Variants in PLCG2 observed in about 807,000 individuals in gnomAD.
The protein encoded by PLCG2 is 1-phosphatidylinositol 4,5-bisphosphate phosphodiesterase gamma-2.
In PLCG2, 69 loss-of-function variants were observed where a neutral mutation model predicts 175.6. The ratio of observed to expected loss-of-function variants is 0.39; its 90% CI spans 0.32 to 0.48. The LOEUF (loss-of-function observed/expected upper bound fraction) is 0.48. Among genes scored for constraint, PLCG2 ranks in the 20% least tolerant of loss-of-function variants. PLCG2 has a pLI of 0.91. For synonymous variants in PLCG2, 827 were observed against 624.0 expected (o/e 1.33, Z -4.85); for missense variants, 1,798 against 1,650.9 (o/e 1.09, Z -1.54).
chr16:81,828,238 T>C (rs1392828988), intron 2 of PLCG2, among the ~76,000 whole-genome samples: 15 of 11,724 alleles, frequency 1.3e-3, no homozygotes, highest in African/African-American at 3.5e-3. Context: ...AAATGTCATT[T>C]TTTTTTTTTT....
chr16:81,858,233 C>T, intron 3 of PLCG2, 30 bp from the exon 4 acceptor site: 5 of 1,464,970 alleles, frequency 3.4e-6, no homozygotes, highest in Non-Finnish European at 3.8e-6. Flanking sequence ...GGAATTAACA[C>T]AGCATTTCTG....
intron 2 of PLCG2, among the ~76,000 whole-genome samples, chr16:81,838,179 A>C (rs1399069015): frequency 6.6e-6 from 1 of 151,880 alleles, no homozygotes; most frequent in African/African-American, 2.4e-5. Flanking sequence ...CCTGGGTTCA[A>C]GTGATTCTCT....
chr16:81,925,199 A>T (rs1687251384), intron 22 of PLCG2, among the ~76,000 whole-genome samples: 1 of 152,160 alleles, frequency 6.6e-6, no homozygotes, highest in African/African-American at 2.4e-5. Flanking sequence ...CTGTGGGCAA[A>T]CCGCCCAGCG....
At chr16:81,836,417 G>A (rs4073295) in intron 2 of PLCG2, among the ~76,000 whole-genome samples, 79,955 of 151,896 alleles carry the variant, frequency 0.53, 21,334 homozygotes, top group East Asian at 0.62. Flanking sequence ...TTGGCTTCTC[G>A]TTTCATCCTT....
At chr16:81,867,100 C>T (rs1907278593) in intron 5 of PLCG2, among the ~76,000 whole-genome samples, 1 of 152,202 alleles carries the variant, frequency 6.6e-6, no homozygotes, top group Non-Finnish European at 1.5e-5. Context: ...TTACAGAGGC[C>T]CTTAGAACCA....
At chr16:81,760,763 T>A (rs56337044) in intron 2 of PLCG2, among the ~76,000 whole-genome samples, 118,957 of 138,402 alleles carry the variant, frequency 0.86, 51,524 homozygotes, top group East Asian at 0.94. Context: ...AAAAAAATAA[T>A]AATAATAATA....
intron 9 of PLCG2, among the ~76,000 whole-genome samples, chr16:81,888,384 G>A (rs56698225): frequency 0.062 from 9,287 of 150,210 alleles, 968 homozygotes; most frequent in African/African-American, 0.21. Flanking sequence ...CTGATTTAAA[G>A]AAAAAAAAAA....
chr16:81,769,975 G>C (rs1429783645), intron 2 of PLCG2, among the ~76,000 whole-genome samples: 4 of 152,108 alleles, frequency 2.6e-5, no homozygotes, highest in Non-Finnish European at 5.9e-5. Context: ...GAGCTTCCCA[G>C]TTCCACTGTG....
At chr16:81,908,766 G>A (rs1251853856) in intron 17 of PLCG2, among the ~76,000 whole-genome samples, 175 bp downstream of exon 17, 2 of 152,048 alleles carry the variant, frequency 1.3e-5, no homozygotes, top group African/African-American at 4.8e-5. Flanking sequence ...GACTCACTTC[G>A]GCACTGTAAC....
intron 12 of PLCG2, chr16:81,895,493 G>C (rs1908840096): frequency 3.8e-6 from 1 of 265,504 alleles, no homozygotes; most frequent in Non-Finnish European, 7.3e-6. Flanking sequence ...CCGGGAGGCG[G>C]AGATTGCAAT....
At chr16:81,742,446 G>A (rs972099318) in intron 1 of PLCG2, among the ~76,000 whole-genome samples, 1 of 152,120 alleles carries the variant, frequency 6.6e-6, no homozygotes, top group Admixed American at 6.5e-5. Flanking sequence ...CCTACTCCTG[G>A]GGCCCAGCCT....
chr16:81,836,265 T>A (rs550627011), intron 2 of PLCG2, among the ~76,000 whole-genome samples: 1 of 152,290 alleles, frequency 6.6e-6, no homozygotes, highest in South Asian at 2.1e-4. Context: ...TCTCCCAAGG[T>A]CACACAGTAA....
At chr16:81,790,142 T>C (rs185687593) in intron 2 of PLCG2, among the ~76,000 whole-genome samples, 60 of 152,298 alleles carry the variant, frequency 3.9e-4, no homozygotes, top group Non-Finnish European at 1.2e-4. Context: ...GAAGATGCAT[T>C]GGAGAGGCTC....
chr16:81,912,912 C>T (rs1233963267), intron 19 of PLCG2, among the ~76,000 whole-genome samples, 196 bp downstream of exon 19: 1 of 152,260 alleles, frequency 6.6e-6, no homozygotes, highest in African/African-American at 2.4e-5. Flanking sequence ...TCTGCGTTCT[C>T]CAGGGCAGGA....
chr16:81,792,758 T>TA (rs1385262583), intron 2 of PLCG2, among the ~76,000 whole-genome samples: 1 of 151,954 alleles, frequency 6.6e-6, no homozygotes, highest in Non-Finnish European at 1.5e-5. Flanking sequence ...AGCATGGAGG[T>TA]AACCGGCCCT....
In PLCG2 at chr16:81,946,279, C is replaced by G. The variant is rs1200353547; in HGVS notation, c.3570+16C>G. The G allele has an allele frequency of 1.9e-6, 3 of 1,593,402 alleles. No homozygotes were observed. Among genetic ancestry groups the G allele is most frequent in the Non-Finnish European group, 1.7e-6 (2 of 1,161,300 alleles). The stretch of plus-strand genomic sequence containing the variant: ...GCCAGTCCTGGTGAGTGGAGAAACA[C>G]CAGTTAAGGGTTCCCTGAGCTATGC... On this transcript the variant is annotated intron_variant, in intron 31 of 32. Transcript: ENST00000564138.
chr16:81,813,745 A>G (rs1904419729), intron 2 of PLCG2, among the ~76,000 whole-genome samples: 1 of 148,806 alleles, frequency 6.7e-6, no homozygotes, highest in Non-Finnish European at 1.5e-5. Context: ...CTGGGCCACC[A>G]GTGTTCCTTT....
chr16:81,955,569 G>C (rs552016464), intron 31 of PLCG2, among the ~76,000 whole-genome samples: 3 of 152,196 alleles, frequency 2.0e-5, no homozygotes, highest in Non-Finnish European at 4.4e-5. Context: ...AAAAGTTTAG[G>C]GGTAGGTCTT....
intron 26 of PLCG2, among the ~76,000 whole-genome samples, chr16:81,935,241 C>T (rs1567539984): frequency 1.3e-5 from 2 of 152,060 alleles, no homozygotes; most frequent in East Asian, 3.9e-4. Context: ...GCTGGCATTC[C>T]TTGGCCTTCT....
Sources: gnomAD v4.1 joint callset for allele counts (sites outside exome capture counted in the v4.1 genomes callset) on GRCh38, gnomAD v4.1.1 for gene constraint, MANE v1.5 for transcripts, NCBI Gene and HGNC (gene_info 2026-07-23, HGNC 2026-07-21) for gene names.